Variants in ZNF648 observed in about 807,000 individuals in gnomAD.
ZNF648 encodes the protein zinc finger protein 648.
In ZNF648, 1 loss-of-function variant was observed where a neutral mutation model predicts 0.3. The observed-to-expected ratio is 3.90, with a 90% CI of 1.39 to 18.51. ZNF648 has a LOEUF of 18.51. Among genes scored for constraint, ZNF648 ranks in the 30% most tolerant of loss-of-function variants. The pLI is 0.11. For missense variants in ZNF648, 874 were observed against 769.7 expected, an observed-to-expected ratio of 1.14 and a Z score of -1.60; for synonymous variants, 376 against 326.8, an observed-to-expected ratio of 1.15 and a Z score of -1.62.
rs747599595 is a variant in ZNF648 at position 182,056,715 on chromosome 1, G to A, written c.1296C>T (p.Ser432=). ...GCGTCTGGTGCTCGGACAGATTGGA[G>A]GACTTGGTGAAGCACTTGCCGCAGG... ...CPTCGKCFTK[S]SNLSEHQTLH... The change falls in exon 2 of 2, where the codon TCC becomes TCT. Residue 432 remains serine (S), a synonymous_variant. Coordinates refer to ENST00000339948, the MANE Select transcript of ZNF648 (RefSeq NM_001009992.1). 3 of 1,593,026 alleles carry A rather than the reference G, an allele frequency of 1.9e-6. No homozygotes were observed. The highest frequency in any genetic ancestry group is 1.1e-5 in the South Asian group (1 of 88,158).
upstream of ZNF648, chr1:182,063,292 A>G (rs528551249): frequency 6.6e-6 from 1 of 152,354 alleles, no homozygotes; most frequent in South Asian, 2.1e-4. Context: ...GTCTTCCACA[A>G]TGGTTGAACT....
chr1:182,060,500 G>A (rs926565248), intron 1 of ZNF648, among the ~76,000 whole-genome samples: 21 of 152,162 alleles, frequency 1.4e-4, no homozygotes, highest in African/African-American at 5.1e-4. Flanking sequence ...AGCCATGGAT[G>A]GAGGGAGGAC....
At chr1:182,059,818 A>AG (rs397724000) in intron 1 of ZNF648, among the ~76,000 whole-genome samples, 8 of 150,832 alleles carry the variant, frequency 5.3e-5, no homozygotes, top group Non-Finnish European at 1.0e-4. Context: ...AAAAAAAAAA[A>AG]GATAGATGCT....
chr1:182,058,748 C>T (rs1665982090), intron 1 of ZNF648, among the ~76,000 whole-genome samples: 1 of 152,206 alleles, frequency 6.6e-6, no homozygotes, highest in African/African-American at 2.4e-5. Flanking sequence ...AGAGGATGCC[C>T]ACTGAGAGCT....
chr1:182,067,872 C>T, the ZNF648 span, among the ~76,000 whole-genome samples: 1 of 152,242 alleles, frequency 6.6e-6, no homozygotes, highest in African/African-American at 2.4e-5. Context: ...CTGACTACCA[C>T]ATCTTTCAAG....
At position 182,057,039 on chromosome 1, in the gene ZNF648, C is replaced by A. The variant is rs202106092; in HGVS notation, c.972G>T (p.Lys324Asn). 2 of 1,613,550 alleles carry A rather than the reference C, an allele frequency of 1.2e-6. No individual in the cohort carries two copies. ...KAYTWSSDHRKHIRTHTGEKP... is the reference protein window; with the variant it reads ...KAYTWSSDHRNHIRTHTGEKP... ...TCTCGCCTGTGTGGGTGCGGATGTG[C>A]TTCCGGTGGTCGGAGGACCAGGTGT... The change falls in exon 2 of 2, where the codon AAG becomes AAT. Residue 324 changes from lysine (K) to asparagine (N), a missense_variant. Transcript: ENST00000339948.
At position 182,054,603 on chromosome 1, in the gene ZNF648, A is replaced by G. The variant is rs922415864; in HGVS notation, c.*1701T>C. Reference sequence around the variant, plus strand: ...TCAAATATTTTATTGATTATCTAGGAAAAAAAAGTTAGCTTTTGCTCTCTT... The same window carrying G: ...TCAAATATTTTATTGATTATCTAGGGAAAAAAAGTTAGCTTTTGCTCTCTT... On this transcript the variant is annotated 3_prime_UTR_variant, in exon 2 of 2. Coordinates refer to ENST00000339948, the MANE Select transcript of ZNF648 (RefSeq NM_001009992.1). 5.9e-5 allele frequency: 9 copies of G among 152,210 alleles called. No individual in the cohort carries two copies. The East Asian group carries it at 1.3e-3, about 23-fold the overall frequency. The allele number at this position is 152,210 out of a possible 1,614,324, so 9.4% of individuals were successfully genotyped here. A position where few individuals can be genotyped will look rare whatever the true frequency, so the allele number is the denominator to read the frequency against.
intron 1 of ZNF648, among the ~76,000 whole-genome samples, chr1:182,060,423 C>A (rs1185902718): frequency 6.6e-6 from 1 of 152,178 alleles, no homozygotes; most frequent in Admixed American, 6.5e-5. Context: ...ATCATGAGCC[C>A]AGTTACCCTG....
rs1423907193 is a variant in ZNF648, at chr1:182,058,147, G to A, written c.-63-74C>T. The A allele has an allele frequency of 2.8e-6, 3 of 1,060,880 alleles. No individual in the cohort carries two copies. In the African/African-American group the frequency reaches 4.8e-5, roughly 17 times the overall value. The allele number at this position is 1,060,880 out of a possible 1,614,324, so 65.7% of individuals were successfully genotyped here. On this transcript the variant is annotated intron_variant, in intron 1 of 1. Transcript: ENST00000339948. Reference sequence around the variant, plus strand: ...CACTTTCATGAGCAGAGGGACTGAGGTTCCCACTATAGCTCTGTTTCCAAC... The same window carrying A: ...CACTTTCATGAGCAGAGGGACTGAGATTCCCACTATAGCTCTGTTTCCAAC...
Position 182,057,621 on chromosome 1 carries a change from G to A in ZNF648, c.390C>T (p.Leu130=), listed in dbSNP as rs1665955946. ...SRALGSLPSG[L]AHKLLGQMQP... ...GCATCTGACCTAACAATTTGTGTGC[G>A]AGACCACTGGGAAGGGAACCCAGAG... is the stretch of plus-strand genomic sequence containing the variant. The change falls in exon 2 of 2, where the codon CTC becomes CTT. Residue 130 remains leucine, a synonymous_variant. Transcript: ENST00000339948. The A allele has an allele frequency of 1.2e-6, 2 of 1,614,210 alleles. No homozygotes were observed. The highest frequency in any genetic ancestry group is 1.7e-6 in the Non-Finnish European group (2 of 1,180,036).
upstream of ZNF648, chr1:182,062,777 G>A (rs1666048145): frequency 6.6e-6 from 1 of 152,184 alleles, no homozygotes; most frequent in South Asian, 2.1e-4. Flanking sequence ...TGCCATGCTG[G>A]TTTGCTGCAC....
At chr1:182,059,014 G>A (rs1352497969) in intron 1 of ZNF648, among the ~76,000 whole-genome samples, 1 of 152,108 alleles carries the variant, frequency 6.6e-6, no homozygotes, top group Non-Finnish European at 1.5e-5. Context: ...GTAGATACAG[G>A]GTTTCACCAT....
chr1:182,060,372 A>G (rs2101921672), intron 1 of ZNF648, among the ~76,000 whole-genome samples: 1 of 152,268 alleles, frequency 6.6e-6, no homozygotes, highest in South Asian at 2.1e-4. Flanking sequence ...AGTTAACCCT[A>G]TCCCCATCTC....
chr1:182,058,966 G>A (rs1366455429), intron 1 of ZNF648, among the ~76,000 whole-genome samples: 1 of 152,084 alleles, frequency 6.6e-6, no homozygotes, highest in Non-Finnish European at 1.5e-5. Flanking sequence ...GGGATTACAG[G>A]TGCCCACCAC....
chr1:182,057,523 A>T lies in ZNF648; in HGVS notation c.488T>A (p.Val163Asp), dbSNP rs113757043. ...SGANQDAVLDVPPSFPSNGKY... is the reference protein window; with the variant it reads ...SGANQDAVLDDPPSFPSNGKY... ...TCCATTGCTGGGGAAGCTGGGTGGGACATCCAAGACTGCGTCCTGGTTTGC... is the reference window on the plus strand; with the variant it reads ...TCCATTGCTGGGGAAGCTGGGTGGGTCATCCAAGACTGCGTCCTGGTTTGC... Residue 163 changes from valine (V) to aspartate (D), a missense_variant, in exon 2 of 2, where the codon GTC becomes GAC. Coordinates refer to ENST00000339948, the MANE Select transcript of ZNF648 (RefSeq NM_001009992.1). The T allele has an allele frequency of 2.5e-6, 4 of 1,614,188 alleles. No individual in the cohort carries two copies. The highest frequency in any genetic ancestry group is 2.5e-6 in the Non-Finnish European group (3 of 1,180,034).
intron 1 of ZNF648, among the ~76,000 whole-genome samples, chr1:182,060,651 T>G (rs1321301647): frequency 1.3e-5 from 2 of 152,104 alleles, no homozygotes; most frequent in African/African-American, 4.8e-5. Context: ...GGAGCCCAGA[T>G]CTGACATATT....
rs541052347 is a variant in ZNF648 at position 182,055,306 on chromosome 1, G to A, written c.*998C>T. On this transcript the variant is annotated 3_prime_UTR_variant, in exon 2 of 2. Coordinates refer to ENST00000339948, the MANE Select transcript of ZNF648 (RefSeq NM_001009992.1). The surrounding 1 kb of genome is among the most constrained non-coding windows in gnomAD (Gnocchi z 4.1). ...GATTTTGAAATGCAGACAAGCCAAT[G>A]GCACTTGGGCAAAGGGTGTTTTGTT... The A allele has an allele frequency of 6.6e-6, 1 of 152,322 alleles. No individual in the cohort carries two copies. The highest frequency in any genetic ancestry group is 2.1e-4 in the South Asian group (1 of 4,832). 9.4% of individuals were successfully genotyped at this position (152,322 alleles called of 1,614,324 possible).
upstream of ZNF648, chr1:182,064,127 G>A (rs768725691): frequency 6.6e-6 from 1 of 152,140 alleles, no homozygotes; most frequent in African/African-American, 2.4e-5. Flanking sequence ...TTTGAAGTTG[G>A]GTAGCATGAT....
chr1:182,056,196 G>T lies in ZNF648; in HGVS notation c.*108C>A. On this transcript the variant is annotated 3_prime_UTR_variant, in exon 2 of 2. Coordinates refer to ENST00000339948, the MANE Select transcript of ZNF648 (RefSeq NM_001009992.1). ...CAAATAAATAATCAAATGGACCACTGATGACCCGCGACCTGCTGGGAGGCG... is the reference window on the plus strand; with the variant it reads ...CAAATAAATAATCAAATGGACCACTTATGACCCGCGACCTGCTGGGAGGCG... 3 of 1,407,854 alleles carry T rather than the reference G, an allele frequency of 2.1e-6. No individual in the cohort carries two copies. Among genetic ancestry groups the T allele is most frequent in the Admixed American group, 4.7e-5 (2 of 42,462 alleles). 87.2% of individuals were successfully genotyped at this position (1,407,854 alleles called of 1,614,324 possible).
Sources: allele counts gnomAD v4.1 joint callset (sites outside exome capture counted in the v4.1 genomes callset), GRCh38; gene constraint gnomAD v4.1.1; non-coding constraint Gnocchi (gnomAD v3.1); transcripts MANE v1.5; gene names NCBI Gene and HGNC (gene_info 2026-07-23, HGNC 2026-07-21).